FHOD3: variants seen among roughly 807,000 people sequenced by gnomAD.
FHOD3 encodes formin homology 2 domain containing 3.
FHOD3 carries 90 observed loss-of-function variants against 173.0 expected under a neutral mutation model. That is an observed-to-expected ratio of 0.52 (90% CI 0.44 to 0.62). The LOEUF (loss-of-function observed/expected upper bound fraction) is 0.62, where lower values mean the gene tolerates loss of function less well. Ranked by LOEUF, FHOD3 falls within the 20% of genes least tolerant of loss-of-function variation. The pLI is 0.00. For missense variants in FHOD3, 1,945 were observed against 2,034.7 expected, an observed-to-expected ratio of 0.96 and a Z score of 0.85; for synonymous variants, 828 against 823.0, an observed-to-expected ratio of 1.01 and a Z score of -0.10.
chr18:36,341,478 A>T (rs2045615519), intron 1 of FHOD3, among the ~76,000 whole-genome samples: 2 of 152,184 alleles, frequency 1.3e-5, no homozygotes, highest in African/African-American at 4.8e-5. Context: ...TTTCATCTTG[A>T]TGTATTTACC....
chr18:36,591,447 G>GC lies in FHOD3; in HGVS notation c.607-3339dup, dbSNP rs575812958. Among the ~76,000 whole-genome samples the GC allele has an allele frequency of 1.1e-4, 17 of 152,292 alleles. No homozygotes were observed. In the South Asian group the frequency reaches 3.5e-3, roughly 32 times the overall value. On this transcript the variant is annotated intron_variant, in intron 6 of 28. Transcript: ENST00000590592. The stretch of plus-strand genomic sequence containing the variant: ...GGGCTGGGAGGGCTCACTCCACACA[G>GC]CATAGAGGGATGGATTCAGAGGACG...
intron 3 of FHOD3, among the ~76,000 whole-genome samples, chr18:36,423,070 A>G (rs1389998818): frequency 2.0e-5 from 3 of 150,826 alleles, no homozygotes; most frequent in Non-Finnish European, 4.4e-5. Flanking sequence ...TCCTGGAGGT[A>G]CACATGTCCC....
chr18:36,656,295 A>G (rs999893408), intron 13 of FHOD3, among the ~76,000 whole-genome samples: 1 of 152,142 alleles, frequency 6.6e-6, no homozygotes, highest in East Asian at 1.9e-4. Flanking sequence ...AATTAAACCA[A>G]CACTCACTTG....
intron 5 of FHOD3, among the ~76,000 whole-genome samples, chr18:36,518,851 C>T (rs1369143037): frequency 6.6e-6 from 1 of 152,180 alleles, no homozygotes; most frequent in Non-Finnish European, 1.5e-5. Flanking sequence ...TCTTGGGGCC[C>T]TGGCTGGGTC....
chr18:36,424,428 G>A (rs1361850609), intron 3 of FHOD3, among the ~76,000 whole-genome samples: 1 of 151,970 alleles, frequency 6.6e-6, no homozygotes, highest in African/African-American at 2.4e-5. Flanking sequence ...GATTGACTTG[G>A]GTTTATTGTT....
chr18:36,361,146 G>A (rs978859706), intron 2 of FHOD3, among the ~76,000 whole-genome samples: 4 of 152,100 alleles, frequency 2.6e-5, no homozygotes, highest in Non-Finnish European at 4.4e-5. Flanking sequence ...ATCAGTGACA[G>A]GTTCAAGCTC....
At chr18:36,702,103 C>A (rs573649161) in intron 17 of FHOD3, among the ~76,000 whole-genome samples, 2 of 152,214 alleles carry the variant, frequency 1.3e-5, no homozygotes, top group Non-Finnish European at 2.9e-5. Context: ...CATCCTCATG[C>A]AACTATTCCT....
At chr18:36,313,873 TC>T (rs1243313106) in intron 1 of FHOD3, among the ~76,000 whole-genome samples, 2 of 152,058 alleles carry the variant, frequency 1.3e-5, no homozygotes, top group African/African-American at 4.8e-5. Context: ...TTATCCTTTG[TC>T]CGAATAATTT....
chr18:36,518,181 G>A (rs1316668292), intron 5 of FHOD3, among the ~76,000 whole-genome samples: 2 of 152,178 alleles, frequency 1.3e-5, no homozygotes, highest in African/African-American at 2.4e-5. Context: ...GTGAGGAAAT[G>A]GGAGCAAAGG....
At position 36,612,069 on chromosome 18, in the gene FHOD3, T is replaced by A; in HGVS notation, c.931T>A (p.Leu311Ile). 1.9e-6 allele frequency: 3 copies of A among 1,613,910 alleles called. No individual in the cohort carries two copies. In the South Asian group the frequency reaches 3.3e-5, roughly 18 times the overall value. The change falls in exon 9 of 29, where the codon TTA becomes ATA. Residue 311 changes from leucine to isoleucine, a missense_variant. Transcript: ENST00000590592. Reference protein sequence around the residue: ...HLNKKGTDLDLVEQLNIYEVA... With the variant: ...HLNKKGTDLDIVEQLNIYEVA... ...GAACAAGAAAGGGACTGACCTGGAC[T>A]TAGTGGAGCAACTCAACATTTATGA...
intron 3 of FHOD3, among the ~76,000 whole-genome samples, chr18:36,398,228 A>G (rs1261900080): frequency 1.3e-5 from 2 of 152,352 alleles, no homozygotes; most frequent in Admixed American, 1.3e-4. Context: ...CTGTTCTGCA[A>G]ATGAAAACAA....
At chr18:36,410,531 G>GT (rs1272266820) in intron 3 of FHOD3, among the ~76,000 whole-genome samples, 1 of 151,282 alleles carries the variant, frequency 6.6e-6, no homozygotes, top group African/African-American at 2.5e-5. Context: ...GGTTAGATCA[G>GT]TTAGTAACTC....
At chr18:36,531,574 CT>C (rs769410024) in intron 5 of FHOD3, among the ~76,000 whole-genome samples, 8 of 152,186 alleles carry the variant, frequency 5.3e-5, no homozygotes, top group Non-Finnish European at 1.2e-4. Flanking sequence ...GACAGAATGC[CT>C]CTGGGATGCA....
At chr18:36,716,005 T>C (rs1600383629) in intron 18 of FHOD3, among the ~76,000 whole-genome samples, 1 of 151,686 alleles carries the variant, frequency 6.6e-6, no homozygotes, top group African/African-American at 2.4e-5. Flanking sequence ...GGTCAGGGAG[T>C]GTTGGTGGTG....
At chr18:36,461,161 G>A (rs1458096848) in intron 3 of FHOD3, among the ~76,000 whole-genome samples, 17 of 152,106 alleles carry the variant, frequency 1.1e-4, no homozygotes, top group Admixed American at 9.8e-4. Context: ...TCTGTGCCAT[G>A]CTCTGGGGCC....
intron 3 of FHOD3, among the ~76,000 whole-genome samples, chr18:36,497,017 GA>G (rs1223891788): frequency 2.0e-5 from 3 of 152,154 alleles, no homozygotes; most frequent in Non-Finnish European, 2.9e-5. Context: ...CTTTGATATT[GA>G]AAAACAAAAC....
intron 14 of FHOD3, among the ~76,000 whole-genome samples, chr18:36,668,120 T>C (rs2037302297): frequency 6.6e-6 from 1 of 151,834 alleles, no homozygotes; most frequent in Non-Finnish European, 1.5e-5. Context: ...TTCATAGAAT[T>C]CACCATGAGG....
chr18:36,690,624 G>A (rs577496334), intron 16 of FHOD3, among the ~76,000 whole-genome samples: 27 of 152,150 alleles, frequency 1.8e-4, no homozygotes, highest in Admixed American at 7.8e-4. Context: ...CCGTCTCCGC[G>A]TACCAGCCCA....
At chr18:36,438,028 C>T (rs777286336) in intron 3 of FHOD3, among the ~76,000 whole-genome samples, 1 of 152,142 alleles carries the variant, frequency 6.6e-6, no homozygotes, top group African/African-American at 2.4e-5. Context: ...CCCACACACT[C>T]CTCCAGAGGC....
Sources: gnomAD v4.1 joint callset for allele counts (sites outside exome capture counted in the v4.1 genomes callset) on GRCh38, gnomAD v4.1.1 for gene constraint, MANE v1.5 for transcripts, NCBI Gene and HGNC (gene_info 2026-07-23, HGNC 2026-07-21) for gene names.